The following TCF4 variants were observed in gnomAD, a reference collection of about 807,000 sequenced individuals.
The protein encoded by TCF4 is SL3-3 enhancer factor 2.
In TCF4, 3 loss-of-function variants were observed where a neutral mutation model predicts 82.1. That is an observed-to-expected ratio of 0.04 (90% CI 0.02 to 0.09). TCF4 has a LOEUF of 0.09. TCF4 is among the 10% of genes least tolerant of loss of function. TCF4 has a pLI of 1.00. For synonymous variants in TCF4, 276 were observed against 309.6 expected, an observed-to-expected ratio of 0.89 and a Z score of 1.14; for missense variants, 518 against 852.7, an observed-to-expected ratio of 0.61 and a Z score of 4.89.
chr18:55,482,339 C>G (rs2096450187), intron 3 of TCF4: 1 of 152,174 alleles, frequency 6.6e-6, no homozygotes, highest in South Asian at 2.1e-4. Flanking sequence ...AAATACCATG[C>G]ATGGATTTGC....
At chr18:55,453,617 T>C (rs1202553052) in intron 5 of TCF4, among the ~76,000 whole-genome samples, 3 of 152,072 alleles carry the variant, frequency 2.0e-5, no homozygotes, top group African/African-American at 4.8e-5. Flanking sequence ...GTAAACCTAG[T>C]TGGACTCTAA....
chr18:55,607,119 G>C (rs937063934), intron 2 of TCF4, among the ~76,000 whole-genome samples: 1 of 152,110 alleles, frequency 6.6e-6, no homozygotes, highest in Non-Finnish European at 1.5e-5. Flanking sequence ...TGTGATAAAA[G>C]TTACGTTCAG....
chr18:55,374,042 C>A (rs2090073255), intron 6 of TCF4, among the ~76,000 whole-genome samples: 1 of 151,944 alleles, frequency 6.6e-6, no homozygotes, highest in African/African-American at 2.4e-5. Flanking sequence ...ACTGTGAAAA[C>A]AGTGTTTTAA....
chr18:55,354,234 C>T (rs1050372202), intron 6 of TCF4, among the ~76,000 whole-genome samples: 1 of 152,090 alleles, frequency 6.6e-6, no homozygotes, highest in South Asian at 2.1e-4. Flanking sequence ...TGGGGTTCAC[C>T]CTCTGCAGCC....
rs1338735664 is a variant in TCF4, at chr18:55,286,951, T to C, written c.550-7295A>G. ...TCACTGGTGTAAGCTGTTAAAATTGTGACACTTTTATTCTATCTAAATCAG... is the reference window on the plus strand; with the variant it reads ...TCACTGGTGTAAGCTGTTAAAATTGCGACACTTTTATTCTATCTAAATCAG... On this transcript the variant is annotated intron_variant, in intron 8 of 19. Transcript: ENST00000354452. 2.0e-5 allele frequency among the ~76,000 whole-genome samples: 3 copies of C among 152,368 alleles called. No homozygotes were observed. The East Asian group carries it at 5.8e-4, about 29-fold the overall frequency.
intron 2 of TCF4, among the ~76,000 whole-genome samples, chr18:55,619,699 A>T (rs1207847526): frequency 6.6e-6 from 1 of 152,128 alleles, no homozygotes; most frequent in African/African-American, 2.4e-5. Flanking sequence ...TCAATTACTT[A>T]ATTTTTTTCA....
At chr18:55,417,402 G>T (rs1040172968) in intron 5 of TCF4, among the ~76,000 whole-genome samples, 1 of 152,190 alleles carries the variant, frequency 6.6e-6, no homozygotes, top group African/African-American at 2.4e-5. Context: ...AAATGAAAGT[G>T]ATCATTGGAT....
chr18:55,585,265 A>G lies in TCF4; in HGVS notation c.145+15T>C. On this transcript the variant is annotated intron_variant, in intron 3 of 19. Coordinates refer to ENST00000354452, the MANE Select transcript of TCF4 (RefSeq NM_001083962.2). ...CAGAACATTTAACTTAACACTAAGA[A>G]AAGAATTTACATACTTGAGCCAGTA... 1 of 1,612,476 alleles carries G rather than the reference A, an allele frequency of 6.2e-7. No individual in the cohort carries two copies. Among genetic ancestry groups the G allele is most frequent in the Non-Finnish European group, 8.5e-7 (1 of 1,178,534 alleles).
chr18:55,491,023 G>GA (rs147290743), intron 3 of TCF4, among the ~76,000 whole-genome samples: 6,629 of 151,874 alleles, frequency 0.044, 155 homozygotes, highest in Non-Finnish European at 0.052. Flanking sequence ...GATTATGGGG[G>GA]AAAAAAAATC....
intron 5 of TCF4, among the ~76,000 whole-genome samples, chr18:55,448,229 T>C (rs912096612): frequency 2.0e-5 from 3 of 152,236 alleles, no homozygotes; most frequent in African/African-American, 7.2e-5. Flanking sequence ...CATAAAGGTT[T>C]TTCACGTGTA....
chr18:55,350,859 A>T lies in TCF4; in HGVS notation c.499+15T>A. The T allele has an allele frequency of 1.9e-6, 3 of 1,613,120 alleles. No homozygotes were observed. The highest frequency in any genetic ancestry group is 1.7e-6 in the Non-Finnish European group (2 of 1,179,284). On this transcript the variant is annotated intron_variant, in intron 7 of 19. Coordinates refer to ENST00000354452, the MANE Select transcript of TCF4 (RefSeq NM_001083962.2). ...ATAATCATCCCTCAGGCATTCAAACAAAGGAATACCTTACCCATGGCACTA... is the reference window on the plus strand; with the variant it reads ...ATAATCATCCCTCAGGCATTCAAACTAAGGAATACCTTACCCATGGCACTA...
At chr18:55,265,353 A>G (rs1162218651) in intron 11 of TCF4, 1 of 152,202 alleles carries the variant, frequency 6.6e-6, no homozygotes, top group Admixed American at 6.5e-5. Context: ...GTGCTTATCT[A>G]TAAAGATGAC....
chr18:55,237,976 A>T (rs1433107967), intron 15 of TCF4, among the ~76,000 whole-genome samples: 2 of 152,264 alleles, frequency 1.3e-5, no homozygotes, highest in Non-Finnish European at 2.9e-5. Context: ...CTCTGTATAT[A>T]CAAGGGTCAG....
At chr18:55,239,782 T>G (rs1001598800) in intron 15 of TCF4, among the ~76,000 whole-genome samples, 2 of 152,234 alleles carry the variant, frequency 1.3e-5, no homozygotes, top group African/African-American at 4.8e-5. Context: ...GCATTCAGCA[T>G]TGTGGTAAAT....
At chr18:55,456,428 A>G (rs1301456625) in intron 5 of TCF4, among the ~76,000 whole-genome samples, 2 of 152,226 alleles carry the variant, frequency 1.3e-5, no homozygotes, top group East Asian at 1.9e-4. Context: ...GTGAAAGCAT[A>G]GCCCCGATGC....
chr18:55,303,576 G>A (rs538113975), intron 8 of TCF4, among the ~76,000 whole-genome samples: 1 of 152,186 alleles, frequency 6.6e-6, no homozygotes, highest in East Asian at 1.9e-4. Context: ...TAGAATTTTG[G>A]AGAAGGTATC....
chr18:55,588,176 C>T lies in TCF4; in HGVS notation c.-159G>A, dbSNP rs1347773170. ...GCCTCCCCGCCGCCGCCGCCGCCGC[C>T]GCCACTACAGATCCGCAGACACACA... On this transcript the variant is annotated 5_prime_UTR_variant, in exon 1 of 20. Coordinates refer to ENST00000354452, the MANE Select transcript of TCF4 (RefSeq NM_001083962.2). 6 of 1,141,394 alleles carry T rather than the reference C, an allele frequency of 5.3e-6. No homozygotes were observed. The African/African-American group carries it at 6.5e-5, about 12-fold the overall frequency. 70.7% of individuals were successfully genotyped at this position (1,141,394 alleles called of 1,614,324 possible). A position where few individuals can be genotyped will look rare whatever the true frequency, so the allele number is the denominator to read the frequency against.
Position 55,275,619 on chromosome 18 carries a change from C to T in TCF4, c.789G>A (p.Leu263=). 7 of 1,613,658 alleles carry T rather than the reference C, an allele frequency of 4.3e-6. No individual in the cohort carries two copies. The highest frequency in any genetic ancestry group is 1.3e-5 in the African/African-American group (1 of 74,958). The change falls in exon 10 of 20, where the codon TTG becomes TTA. Residue 263 remains leucine (L), a splice_region_variant and synonymous_variant. Transcript: ENST00000354452. ...CCGTTACCGTGTATGTCTGCCTTAC[C>T]AAACGTTCATGTGGATGCAGGCTAC... ...SYCSLHPHER[L]SYPSHSSADI... is the part of the protein sequence containing the mutation.
intron 6 of TCF4, among the ~76,000 whole-genome samples, chr18:55,355,151 A>AT (rs2083188375): frequency 6.6e-6 from 1 of 152,170 alleles, no homozygotes. Context: ...TAAAGCCAGG[A>AT]TTTTTTAAAA....
Sources: allele counts gnomAD v4.1 joint callset (sites outside exome capture counted in the v4.1 genomes callset), GRCh38; gene constraint gnomAD v4.1.1; transcripts MANE v1.5; gene names NCBI Gene and HGNC (gene_info 2026-07-23, HGNC 2026-07-21).